Variants in CADM2 observed in about 807,000 individuals in gnomAD.
CADM2 encodes cell adhesion molecule 2, also known as immunoglobulin superfamily member 4D.
CADM2 carries 12 observed loss-of-function variants against 49.8 expected under a neutral mutation model. That is an observed-to-expected ratio of 0.24 (90% CI 0.15 to 0.39). The LOEUF is 0.39. CADM2 is among the 10% of genes least tolerant of loss of function. The pLI is 1.00. For missense variants in CADM2, 378 were observed against 492.3 expected (o/e 0.77, Z 2.20); for synonymous variants, 214 against 175.4 (o/e 1.22, Z -1.74).
intron 1 of CADM2, among the ~76,000 whole-genome samples, chr3:85,565,115 A>T (rs1322265369): frequency 6.6e-6 from 1 of 152,016 alleles, no homozygotes; most frequent in Non-Finnish European, 1.5e-5. Flanking sequence ...ATTTATCCAT[A>T]CCTCATAGAG....
chr3:85,521,261 T>C (rs1409385729), intron 1 of CADM2, among the ~76,000 whole-genome samples: 1 of 152,190 alleles, frequency 6.6e-6, no homozygotes, highest in African/African-American at 2.4e-5. Context: ...ATATTTTTAT[T>C]ATTTTCCTTG....
chr3:85,158,381 C>T (rs2040209395), intron 1 of CADM2, among the ~76,000 whole-genome samples: 1 of 152,160 alleles, frequency 6.6e-6, no homozygotes, highest in African/African-American at 2.4e-5. Context: ...GTTGTAAAGA[C>T]ACATCCACAC....
Position 85,970,401 on chromosome 3 carries a change from T to C in CADM2, c.970+8754T>C, listed in dbSNP as rs1025798972. On this transcript the variant is annotated intron_variant, in intron 8 of 9. Coordinates refer to ENST00000383699, the MANE Select transcript of CADM2 (RefSeq NM_001167675.2). ...AAAAGTGAAGCTCAATAGATGCTTATTCACAATTATTCTTAACATTATTTA... is the reference window on the plus strand; with the variant it reads ...AAAAGTGAAGCTCAATAGATGCTTACTCACAATTATTCTTAACATTATTTA... 3.3e-5 allele frequency among the ~76,000 whole-genome samples: 5 copies of C among 151,658 alleles called. No homozygotes were observed. In the Admixed American group the frequency reaches 3.3e-4, roughly 10 times the overall value.
chr3:85,611,330 T>C (rs2107451131), intron 1 of CADM2, among the ~76,000 whole-genome samples: 1 of 151,994 alleles, frequency 6.6e-6, no homozygotes, highest in South Asian at 2.1e-4. Context: ...CCATTAATGG[T>C]AAAATTATTA....
chr3:85,206,500 G>A (rs2041640826), intron 1 of CADM2, among the ~76,000 whole-genome samples: 1 of 151,862 alleles, frequency 6.6e-6, no homozygotes, highest in African/African-American at 2.4e-5. Flanking sequence ...GTAGAGACGG[G>A]GTTTCACCGT....
intron 8 of CADM2, among the ~76,000 whole-genome samples, chr3:86,055,044 A>T (rs896690994): frequency 6.6e-6 from 1 of 152,208 alleles, no homozygotes; most frequent in East Asian, 1.9e-4. Context: ...AGCAATTTAT[A>T]TATATCACAT....
chr3:84,979,884 A>C (rs1483198133), intron 1 of CADM2, among the ~76,000 whole-genome samples: 1 of 152,154 alleles, frequency 6.6e-6, no homozygotes, highest in African/African-American at 2.4e-5. Context: ...AGATAAAGTA[A>C]GAGAACTGAA....
chr3:85,912,406 G>T lies in CADM2; in HGVS notation c.563G>T (p.Arg188Leu), dbSNP rs1416693838. The T allele has an allele frequency of 1.9e-6, 3 of 1,611,256 alleles. No individual in the cohort carries two copies. The highest frequency in any genetic ancestry group is 1.3e-5 in the African/African-American group (1 of 74,896). ...TATTTAAAAGAAGAGGATGCAAATC[G>T]CAAGACATTCACTGTCAGCAGCACA... ...VKYLKEEDAN[R>L]KTFTVSSTLD... Residue 188 changes from arginine (R) to leucine (L), a missense_variant, in exon 6 of 10, where the codon CGC (arginine) becomes CTC (leucine). Coordinates refer to ENST00000383699, the MANE Select transcript of CADM2 (RefSeq NM_001167675.2).
chr3:85,462,311 A>G lies in CADM2; in HGVS notation c.62-264211A>G, dbSNP rs145357320. Reference sequence around the variant, plus strand: ...TAATGACTTTATCCCCCAGGAATAGAACAGCTGTAGTGATCTAACAAAACC... The same window carrying G: ...TAATGACTTTATCCCCCAGGAATAGGACAGCTGTAGTGATCTAACAAAACC... On this transcript the variant is annotated intron_variant, in intron 1 of 9. Transcript: ENST00000383699. 3.6e-3 allele frequency among the ~76,000 whole-genome samples: 551 copies of G among 152,330 alleles called. 4 individuals are homozygous for G. The highest frequency in any genetic ancestry group is 0.013 in the African/African-American group (524 of 41,576).
intron 1 of CADM2, among the ~76,000 whole-genome samples, chr3:85,297,403 AAAC>A (rs2043993096): frequency 6.6e-6 from 1 of 152,084 alleles, no homozygotes; most frequent in African/African-American, 2.4e-5. Context: ...AGATGGGGGA[AAAC>A]AACAGGAGTT....
chr3:85,191,624 C>G (rs1348688512), intron 1 of CADM2, among the ~76,000 whole-genome samples: 1 of 152,008 alleles, frequency 6.6e-6, no homozygotes, highest in Non-Finnish European at 1.5e-5. Flanking sequence ...ACCAGCAGCT[C>G]TAATTATAAA....
chr3:85,050,801 T>A (rs2107404994), intron 1 of CADM2, among the ~76,000 whole-genome samples: 1 of 152,328 alleles, frequency 6.6e-6, no homozygotes, highest in East Asian at 1.9e-4. Flanking sequence ...TTTTCCACAG[T>A]CTTCCCTCCA....
intron 1 of CADM2, among the ~76,000 whole-genome samples, chr3:85,326,648 T>C (rs1376855643): frequency 6.6e-6 from 1 of 152,200 alleles, no homozygotes; most frequent in Admixed American, 6.5e-5. Flanking sequence ...TTGACGAAGA[T>C]GTTGAAAGCC....
At chr3:85,518,325 GT>G (rs1394295230) in intron 1 of CADM2, among the ~76,000 whole-genome samples, 2 of 151,882 alleles carry the variant, frequency 1.3e-5, no homozygotes, top group African/African-American at 2.4e-5. Context: ...ATCAACTTTG[GT>G]TTCCAATAAC....
intron 1 of CADM2, among the ~76,000 whole-genome samples, chr3:85,585,032 T>TA (rs1229193563): frequency 6.6e-6 from 1 of 152,028 alleles, no homozygotes; most frequent in African/African-American, 2.4e-5. Flanking sequence ...TGAAAAATAT[T>TA]AAATGGAAAC....
chr3:85,040,385 A>G (rs1325187486), intron 1 of CADM2, among the ~76,000 whole-genome samples: 2 of 152,202 alleles, frequency 1.3e-5, no homozygotes, highest in African/African-American at 4.8e-5. Context: ...TTTAATCAAC[A>G]AGTCTATCTT....
At chr3:85,412,538 T>G (rs1462776060) in intron 1 of CADM2, among the ~76,000 whole-genome samples, 1 of 151,932 alleles carries the variant, frequency 6.6e-6, no homozygotes, top group Non-Finnish European at 1.5e-5. Flanking sequence ...TAATTCGTTT[T>G]TTTTTTTTTC....
intron 7 of CADM2, among the ~76,000 whole-genome samples, chr3:85,940,983 T>G (rs527974976): frequency 7.2e-5 from 11 of 152,196 alleles, no homozygotes; most frequent in African/African-American, 2.6e-4. Context: ...AAATGTTACA[T>G]TTGTTGTAAT....
chr3:85,124,442 A>T (rs763051834), intron 1 of CADM2, among the ~76,000 whole-genome samples: 1 of 148,452 alleles, frequency 6.7e-6, no homozygotes, highest in Non-Finnish European at 1.5e-5. Flanking sequence ...ATCTCTACCA[A>T]TTTTTTTTTT....
Sources: gnomAD v4.1 joint callset for allele counts (sites outside exome capture counted in the v4.1 genomes callset) on GRCh38, gnomAD v4.1.1 for gene constraint, MANE v1.5 for transcripts, NCBI Gene and HGNC (gene_info 2026-07-23, HGNC 2026-07-21) for gene names.